LRRK1: variants seen among roughly 807,000 people sequenced by gnomAD.
The protein encoded by LRRK1 is leucine-rich repeat serine/threonine-protein kinase 1.
LRRK1 carries 113 observed loss-of-function variants against 209.1 expected under a neutral mutation model. The observed-to-expected ratio is 0.54, with a 90% CI of 0.46 to 0.63. The LOEUF (loss-of-function observed/expected upper bound fraction) is 0.63. Among genes scored for constraint, LRRK1 ranks in the 30% least tolerant of loss-of-function variants. The pLI is 0.00. For missense variants in LRRK1, 2,284 were observed against 2,632.2 expected, an observed-to-expected ratio of 0.87 and a Z score of 2.89; for synonymous variants, 1,144 against 1,099.7, an observed-to-expected ratio of 1.04 and a Z score of -0.80.
rs1002510132 is a variant in LRRK1 at position 100,932,784 on chromosome 15, C to T, written c.97+8055C>T. On this transcript the variant is annotated intron_variant, in intron 2 of 33. Transcript: ENST00000388948. ...CTATTGCTGATCCGTTGAAACAGTG[C>T]CTGTTGACTTCCTGCCATAATAAAT... is the stretch of plus-strand genomic sequence containing the variant. 2.8e-4 allele frequency among the ~76,000 whole-genome samples: 42 copies of T among 152,328 alleles called. 1 individual carries two copies. The highest frequency in any genetic ancestry group is 2.8e-4 in the Non-Finnish European group (19 of 68,022).
chr15:101,018,636 T>A (rs374283578), intron 12 of LRRK1, among the ~76,000 whole-genome samples: 1 of 152,120 alleles, frequency 6.6e-6, no homozygotes, highest in African/African-American at 2.4e-5. Flanking sequence ...AAAAGCACCA[T>A]AGGACTACGC....
At chr15:100,930,652 C>T (rs981927390) in intron 2 of LRRK1, among the ~76,000 whole-genome samples, 1 of 152,236 alleles carries the variant, frequency 6.6e-6, no homozygotes, top group Admixed American at 6.5e-5. Flanking sequence ...ATTCAGCCAC[C>T]AAGAGAGAAG....
rs150351407 is a variant in LRRK1 at position 101,010,523 on chromosome 15, C to G, written c.1063C>G (p.Gln355Glu). 6.2e-6 allele frequency: 10 copies of G among 1,612,318 alleles called. No individual in the cohort carries two copies. In the East Asian group the frequency reaches 1.8e-4, roughly 29 times the overall value. Residue 355 changes from glutamine (Q) to glutamate (E), a missense_variant, in exon 8 of 34, where the codon CAA (glutamine) becomes GAA (glutamate). This residue lies in a region of LRRK1 where 494 missense variants were observed against 522.1 expected (regional missense o/e 0.95). Coordinates refer to ENST00000388948, the MANE Select transcript of LRRK1 (RefSeq NM_024652.6). ...TGGATTCTTGCACCTCTCAAAACTTCAAAAACTGACAGCTTCAAAAAATTG... is the reference window on the plus strand; with the variant it reads ...TGGATTCTTGCACCTCTCAAAACTTGAAAAACTGACAGCTTCAAAAAATTG... The part of the protein sequence containing the change: ...PPGFLHLSKL[Q>E]KLTASKNCLE...
chr15:100,949,813 C>G (rs777599648), intron 2 of LRRK1, among the ~76,000 whole-genome samples: 1 of 152,000 alleles, frequency 6.6e-6, no homozygotes, highest in African/African-American at 2.4e-5. Context: ...AATTCACTAC[C>G]CTTTGATGAG....
At chr15:101,007,444 A>T (rs950252468) in intron 6 of LRRK1, among the ~76,000 whole-genome samples, 4 of 152,188 alleles carry the variant, frequency 2.6e-5, no homozygotes, top group African/African-American at 9.7e-5. Flanking sequence ...CCCTTTGACC[A>T]CCCCATGCCG....
At chr15:101,039,986 A>C (rs536596388) in intron 20 of LRRK1, among the ~76,000 whole-genome samples, 104 of 152,296 alleles carry the variant, frequency 6.8e-4, no homozygotes, top group African/African-American at 2.5e-3. Flanking sequence ...CCTATTTTGC[A>C]TAAGAATTTT....
intron 2 of LRRK1, among the ~76,000 whole-genome samples, chr15:100,962,823 A>ATATATATATATATTTTTTTTTTT: frequency 8.7e-5 from 1 of 11,544 alleles, no homozygotes; most frequent in Non-Finnish European, 2.1e-4. Context: ...ATATATATAT[A>ATATATATATATATTTTTTTTTTT]TTTTTTTTTT....
intron 2 of LRRK1, among the ~76,000 whole-genome samples, chr15:100,944,762 C>G (rs757549944): frequency 9.2e-5 from 14 of 152,180 alleles, no homozygotes; most frequent in Non-Finnish European, 2.1e-4. Flanking sequence ...AAAACATGAC[C>G]TCATATTTGT....
rs76582356 is a variant in LRRK1, at chr15:101,006,997, C to T, written c.763-1840C>T. 2.5e-3 allele frequency among the ~76,000 whole-genome samples: 383 copies of T among 152,348 alleles called. 2 individuals are homozygous for T. The highest frequency in any genetic ancestry group is 8.7e-3 in the African/African-American group (362 of 41,596). ...CCAGTGCCGCCCTTCCCTTTTCATC[C>T]ATGTGAACAGAGAGACAGACAGACA... On this transcript the variant is annotated intron_variant, in intron 6 of 33. Transcript: ENST00000388948.
At position 101,078,204 on chromosome 15, in the gene LRRK1, G is replaced by A. The variant is rs573075965; in HGVS notation, c.*9356G>A. 2.0e-5 allele frequency: 3 copies of A among 151,966 alleles called. No homozygotes were observed. Among genetic ancestry groups the A allele is most frequent in the Admixed American group, 6.6e-5 (1 of 15,260 alleles). 9.4% of individuals were successfully genotyped at this position (151,966 alleles called of 1,614,324 possible). A position where few individuals can be genotyped will look rare whatever the true frequency, so the allele number is the denominator to read the frequency against. On this transcript the variant is annotated 3_prime_UTR_variant, in exon 34 of 34. Coordinates refer to ENST00000388948, the MANE Select transcript of LRRK1 (RefSeq NM_024652.6). ...ATCTCCCTGCACTGACTCTCTTTTC[G>A]GACTCAGCCCGCCTGCACCCAGGTG...
At chr15:100,975,350 A>G (rs2031230322) in intron 3 of LRRK1, among the ~76,000 whole-genome samples, 1 of 152,192 alleles carries the variant, frequency 6.6e-6, no homozygotes. Context: ...TCATGGAGAG[A>G]CCTGAGAGCC....
chr15:101,050,177 T>C (rs924753628), intron 23 of LRRK1, among the ~76,000 whole-genome samples: 1 of 152,154 alleles, frequency 6.6e-6, no homozygotes, highest in Non-Finnish European at 1.5e-5. Context: ...ATTTATCCCC[T>C]GCGCAGGGGC....
chr15:100,962,753 C>T (rs2030082551), intron 2 of LRRK1, among the ~76,000 whole-genome samples: 1 of 138,498 alleles, frequency 7.2e-6, no homozygotes, highest in South Asian at 2.3e-4. Context: ...GGATTTTAAT[C>T]ACAAATAATC....
chr15:101,057,074 G>C (rs2035853205), intron 28 of LRRK1, 24 bp downstream of exon 28: 6 of 1,552,482 alleles, frequency 3.9e-6, no homozygotes, highest in Non-Finnish European at 5.2e-6. Flanking sequence ...CAGAGCCCAG[G>C]GCCTGGGACC....
At chr15:100,999,856 G>A (rs946221148) in intron 6 of LRRK1, among the ~76,000 whole-genome samples, 3 of 152,148 alleles carry the variant, frequency 2.0e-5, no homozygotes, top group African/African-American at 2.4e-5. Flanking sequence ...TTGTTACAAC[G>A]ACTGTTTAGT....
chr15:100,921,494 G>A (rs2042020067), intron 1 of LRRK1, among the ~76,000 whole-genome samples: 1 of 152,208 alleles, frequency 6.6e-6, no homozygotes, highest in African/African-American at 2.4e-5. Flanking sequence ...AAGGAACTAG[G>A]TGATATGAAT....
intron 33 of LRRK1, 85 bp from the exon 34 acceptor site, chr15:101,068,586 T>C: frequency 7.0e-7 from 1 of 1,420,664 alleles, no homozygotes; most frequent in East Asian, 2.4e-5. Context: ...CAGCTCCGCC[T>C]TCCTCAGAAG....
At chr15:101,026,425 G>A (rs1010293050) in intron 17 of LRRK1, among the ~76,000 whole-genome samples, 6 of 152,240 alleles carry the variant, frequency 3.9e-5, no homozygotes, top group Non-Finnish European at 7.3e-5. Flanking sequence ...GAGACTGAAC[G>A]TGGGCACCAC....
intron 20 of LRRK1, among the ~76,000 whole-genome samples, chr15:101,033,757 G>T (rs1598493): frequency 0.98 from 148,503 of 152,304 alleles, 72,512 homozygotes; most frequent in East Asian, 1. Context: ...TAATACCTGG[G>T]TTCTTTTCCT....
Sources: gnomAD v4.1 joint callset for allele counts (sites outside exome capture counted in the v4.1 genomes callset) on GRCh38, gnomAD v4.1.1 for gene constraint, gnomAD v4.1.1 regional missense constraint, MANE v1.5 for transcripts, NCBI Gene and HGNC (gene_info 2026-07-23, HGNC 2026-07-21) for gene names.